Variants in GEMIN5 observed in about 807,000 individuals in gnomAD.
GEMIN5 encodes the protein gem-associated protein 5.
A neutral mutation model predicts 176.9 loss-of-function variants in GEMIN5; 124 were observed. That is an observed-to-expected ratio of 0.70 (90% CI 0.61 to 0.81). The LOEUF is 0.81. GEMIN5 is among the 40% of genes least tolerant of loss of function. GEMIN5 has a pLI of 0.00. For missense variants in GEMIN5, 1,843 were observed against 1,814.6 expected, an observed-to-expected ratio of 1.02 and a Z score of -0.28; for synonymous variants, 673 against 665.2, an observed-to-expected ratio of 1.01 and a Z score of -0.18.
In GEMIN5 at chr5:154,925,852, G is replaced by A; in HGVS notation, c.1293+10C>T. On this transcript the variant is annotated intron_variant, in intron 8 of 27. Coordinates refer to ENST00000285873, the MANE Select transcript of GEMIN5 (RefSeq NM_015465.5). ...AAAGTTCAAAACAAGCTCAAAAAAA[G>A]AATCCTTACCGCTGTAACCTTGGAC... 6.6e-7 allele frequency: 1 copy of A among 1,523,096 alleles called. No individual in the cohort carries two copies. The highest frequency in any genetic ancestry group is 9.0e-7 in the Non-Finnish European group (1 of 1,109,402). 94.3% of individuals were successfully genotyped at this position (1,523,096 alleles called of 1,614,324 possible). A position where few individuals can be genotyped will look rare whatever the true frequency, so the allele number is the denominator to read the frequency against.
chr5:154,917,232 T>G, intron 12 of GEMIN5, 53 bp from the exon 13 acceptor site: 1 of 1,100,482 alleles, frequency 9.1e-7, no homozygotes, highest in Non-Finnish European at 1.3e-6. Flanking sequence ...AATTACAAGT[T>G]ACAATGCAAA....
chr5:154,934,196 GT>G (rs1454620632), intron 3 of GEMIN5, among the ~76,000 whole-genome samples: 3 of 151,794 alleles, frequency 2.0e-5, no homozygotes, highest in Admixed American at 2.0e-4. Context: ...TTGTTTGTTT[GT>G]TTTTTTGAGA....
intron 12 of GEMIN5, among the ~76,000 whole-genome samples, chr5:154,917,583 T>C (rs560447746): frequency 3.0e-4 from 45 of 152,308 alleles, no homozygotes; most frequent in African/African-American, 1.0e-3. Context: ...ACTGTGTTAC[T>C]ATGATTAACA....
intron 3 of GEMIN5, among the ~76,000 whole-genome samples, chr5:154,933,138 C>T (rs962166898): frequency 2.6e-5 from 4 of 152,234 alleles, no homozygotes; most frequent in Admixed American, 1.3e-4. Flanking sequence ...GTCCTCTGTA[C>T]ATTCCACTTC....
At position 154,917,983 on chromosome 5, in the gene GEMIN5, C is replaced by CT; in HGVS notation, c.1620dup (p.Glu541ArgfsTer16). 1 of 1,611,632 alleles carries CT rather than the reference C, an allele frequency of 6.2e-7. No individual in the cohort carries two copies. Among genetic ancestry groups the CT allele is most frequent in the Non-Finnish European group, 8.5e-7 (1 of 1,177,924 alleles). ...TTGCCATCTGCTTTCCAACTTATCT[C>CT]TGTGTGTACAGGCAATTTGTACTAG... On this transcript the variant is annotated frameshift_variant, in exon 12 of 28. Coordinates refer to ENST00000285873, the MANE Select transcript of GEMIN5 (RefSeq NM_015465.5). LOFTEE classifies it high-confidence loss of function.
intron 11 of GEMIN5, among the ~76,000 whole-genome samples, chr5:154,918,410 G>A: frequency 6.6e-6 from 1 of 152,056 alleles, no homozygotes; most frequent in East Asian, 1.9e-4. Flanking sequence ...ATATCTATAT[G>A]CTGGTATTCC....
intron 7 of GEMIN5, among the ~76,000 whole-genome samples, chr5:154,926,841 C>T (rs1222876230): frequency 1.3e-5 from 2 of 152,160 alleles, no homozygotes; most frequent in Non-Finnish European, 2.9e-5. Context: ...GTCAGGAGAT[C>T]GAGGCCATCC....
chr5:154,924,157 AG>A (rs1763980291), intron 9 of GEMIN5, among the ~76,000 whole-genome samples: 1 of 152,216 alleles, frequency 6.6e-6, no homozygotes, highest in Non-Finnish European at 1.5e-5. Context: ...AGCACATCTC[AG>A]TTCGGACTTG....
chr5:154,928,768 G>A, intron 5 of GEMIN5, 109 bp from the exon 6 acceptor site: 3 of 895,872 alleles, frequency 3.3e-6, no homozygotes, highest in Non-Finnish European at 3.5e-6. Context: ...TTGTTAGTTT[G>A]GCTACTTAGA....
chr5:154,906,096 G>A (rs773067917), intron 16 of GEMIN5, among the ~76,000 whole-genome samples: 61 of 152,086 alleles, frequency 4.0e-4, no homozygotes, highest in Middle Eastern at 6.8e-3. Flanking sequence ...CCTGGGCTCA[G>A]GTGATCCTCC....
At position 154,902,584 on chromosome 5, in the gene GEMIN5, C is replaced by G; in HGVS notation, c.2821G>C (p.Glu941Gln). The change falls in exon 20 of 28, where the codon GAA (glutamate) becomes CAA (glutamine). Residue 941 changes from glutamate to glutamine, a missense_variant. By Grantham distance (29) the Glu-to-Gln change is conservative. Transcript: ENST00000285873. ...DLKGVLQTAA[E>Q]RGELTDNLVA... Reference sequence around the variant, plus strand: ...AGGTTGTCTGTCAGCTCCCCTCTTTCTGCTGCAGTCTGGAGAACACCTTTG... The same window carrying G: ...AGGTTGTCTGTCAGCTCCCCTCTTTGTGCTGCAGTCTGGAGAACACCTTTG... 6.2e-7 allele frequency: 1 copy of G among 1,614,154 alleles called. No homozygotes were observed. Among genetic ancestry groups the G allele is most frequent in the African/African-American group, 1.3e-5 (1 of 75,058 alleles).
chr5:154,902,999 T>A, intron 19 of GEMIN5, 81 bp downstream of exon 19: 1 of 915,452 alleles, frequency 1.1e-6, no homozygotes, highest in South Asian at 1.5e-5. Context: ...TATCACAGGA[T>A]GACAGCCATC....
chr5:154,911,147 T>C (rs1276906578), intron 15 of GEMIN5, among the ~76,000 whole-genome samples: 1 of 152,228 alleles, frequency 6.6e-6, no homozygotes, highest in East Asian at 1.9e-4. Flanking sequence ...GTTTGTTCTC[T>C]ACCTGTCCCA....
intron 17 of GEMIN5, among the ~76,000 whole-genome samples, chr5:154,904,878 A>C (rs1763538732): frequency 6.6e-6 from 1 of 152,232 alleles, no homozygotes; most frequent in Non-Finnish European, 1.5e-5. Flanking sequence ...TGCTAAAAAA[A>C]ATTCAAAAGC....
At chr5:154,914,582 T>G (rs1484441903) in intron 13 of GEMIN5, among the ~76,000 whole-genome samples, 2 of 150,678 alleles carry the variant, frequency 1.3e-5, no homozygotes, top group African/African-American at 4.9e-5. Flanking sequence ...GACAGTCATA[T>G]AGCTAACTGT....
intron 26 of GEMIN5, among the ~76,000 whole-genome samples, chr5:154,890,761 GTTACT>G (rs1404662351): frequency 1.3e-5 from 2 of 151,894 alleles, no homozygotes; most frequent in Admixed American, 6.6e-5. Flanking sequence ...ACCACACCTG[GTTACT>G]TTATTTGTAT....
intron 24 of GEMIN5, among the ~76,000 whole-genome samples, chr5:154,895,715 T>C (rs933285924): frequency 2.6e-5 from 4 of 152,204 alleles, no homozygotes; most frequent in Non-Finnish European, 5.9e-5. Context: ...AGACTTTTTA[T>C]TTTACTTTTT....
intron 26 of GEMIN5, among the ~76,000 whole-genome samples, 186 bp downstream of exon 26, chr5:154,891,055 C>CTT (rs548747613): frequency 0.11 from 10,609 of 93,988 alleles, 1,475 homozygotes; most frequent in African/African-American, 0.18. Flanking sequence ...TGTGCCCGGG[C>CTT]TTTTTTTTTT....
At chr5:154,921,967 C>A (rs1456498122) in intron 9 of GEMIN5, among the ~76,000 whole-genome samples, 1 of 152,154 alleles carries the variant, frequency 6.6e-6, no homozygotes, top group South Asian at 2.1e-4. Context: ...AAAAACCAGG[C>A]AGCATTGTTA....
Sources: gnomAD v4.1 joint callset for allele counts (sites outside exome capture counted in the v4.1 genomes callset) on GRCh38, gnomAD v4.1.1 for gene constraint, MANE v1.5 for transcripts, NCBI Gene and HGNC (gene_info 2026-07-23, HGNC 2026-07-21) for gene names.